The following SPTBN4 variants were observed in gnomAD, a reference collection of about 807,000 sequenced individuals.
SPTBN4 encodes the protein spectrin beta, non-erythrocytic 4.
SPTBN4 carries 96 observed loss-of-function variants against 277.8 expected under a neutral mutation model. The observed-to-expected ratio is 0.35, with a 90% CI of 0.29 to 0.41. SPTBN4 has a LOEUF of 0.41. Ranked by LOEUF, SPTBN4 falls within the 10% of genes least tolerant of loss-of-function variation. The pLI is 1.00. For synonymous variants in SPTBN4, 1,481 were observed against 1,580.3 expected (o/e 0.94, Z 1.49); for missense variants, 3,006 against 3,595.7 (o/e 0.84, Z 4.19).
At chr19:40,494,755 C>T in intron 5 of SPTBN4, 142 bp from the exon 6 acceptor site, 2 of 704,548 alleles carry the variant, frequency 2.8e-6, no homozygotes, top group Non-Finnish European at 4.9e-6. Flanking sequence ...ACCCAACACC[C>T]ACCCATCCAT....
rs1241943845 is a variant in SPTBN4, at chr19:40,568,055, G to A, written c.6729G>A (p.Leu2243=). The change falls in exon 31 of 36, where the codon CTG becomes CTA. Residue 2243 remains leucine (L), a synonymous_variant. Transcript: ENST00000598249. ...RQESADRAEE[L]PRRRRPERQE... is the part of the protein sequence containing the mutation. ...AGTCAGCTGATCGCGCGGAGGAGCT[G>A]CCCAGGAGGCGGCGGCCTGAGCGGC... is the stretch of plus-strand genomic sequence containing the variant. 9 of 1,557,206 alleles carry A rather than the reference G, an allele frequency of 5.8e-6. No homozygotes were observed. In the African/African-American group the frequency reaches 6.8e-5, roughly 12 times the overall value.
At chr19:40,569,298 G>A (rs944061738) in intron 31 of SPTBN4, among the ~76,000 whole-genome samples, 2 of 151,906 alleles carry the variant, frequency 1.3e-5, no homozygotes, top group Non-Finnish European at 2.9e-5. Context: ...GGTGGCGCAC[G>A]CCTGTAGTAC....
chr19:40,485,689 G>A (rs1052494303), intron 2 of SPTBN4, among the ~76,000 whole-genome samples: 1 of 151,696 alleles, frequency 6.6e-6, no homozygotes, highest in Non-Finnish European at 1.5e-5. Context: ...GCATGTGCCT[G>A]TAACCCCAGA....
rs1470009639 is a variant in SPTBN4, at chr19:40,478,482, G to A, written c.169+5692G>A. ...GAATTGAAGGCAGTGATCTATGATGGCACCACTGCATTCCAACCTTCCAGC... is the reference window on the plus strand; with the variant it reads ...GAATTGAAGGCAGTGATCTATGATGACACCACTGCATTCCAACCTTCCAGC... On this transcript the variant is annotated intron_variant, in intron 2 of 35. Transcript: ENST00000598249. Among the ~76,000 whole-genome samples the A allele has an allele frequency of 2.0e-5, 3 of 152,094 alleles. No individual in the cohort carries two copies. In the East Asian group the frequency reaches 5.8e-4, roughly 29 times the overall value.
Position 40,570,704 on chromosome 19 carries a change from A to G in SPTBN4, c.7295A>G (p.Asp2432Gly), listed in dbSNP as rs755613001. 1.2e-5 allele frequency: 20 copies of G among 1,608,324 alleles called. No individual in the cohort carries two copies. The highest frequency in any genetic ancestry group is 4.0e-5 in the African/African-American group (3 of 74,652). ...EGFLLRKREL[D>G]ANRKSSNRSW... ...TTCCTACTGCGCAAGCGCGAGCTCG[A>G]CGCTAACCGCAAGTCGTCCAACCGG... Residue 2432 changes from aspartate (D) to glycine (G), a missense_variant, in exon 33 of 36, where the codon GAC becomes GGC. Transcript: ENST00000598249.
chr19:40,547,945 T>G (rs2080876552), intron 20 of SPTBN4, among the ~76,000 whole-genome samples: 1 of 152,242 alleles, frequency 6.6e-6, no homozygotes, highest in South Asian at 2.1e-4. Flanking sequence ...CCTTATGGAT[T>G]TACTTACTCT....
At position 40,518,785 on chromosome 19, in the gene SPTBN4, A is replaced by G. The variant is rs1300107710; in HGVS notation, c.2904-616A>G. Among the ~76,000 whole-genome samples the G allele has an allele frequency of 2.0e-5, 3 of 151,996 alleles. No individual in the cohort carries two copies. In the East Asian group the frequency reaches 5.8e-4, roughly 29 times the overall value. Reference sequence around the variant, plus strand: ...ACTGGGAGTGGTGCGTGCCTGTTAGACCTGTGAGGCTGAGGTGGGAGGACC... The same window carrying G: ...ACTGGGAGTGGTGCGTGCCTGTTAGGCCTGTGAGGCTGAGGTGGGAGGACC... On this transcript the variant is annotated intron_variant, in intron 15 of 35. Coordinates refer to ENST00000598249, the MANE Select transcript of SPTBN4 (RefSeq NM_020971.3).
At chr19:40,566,054 G>A in intron 29 of SPTBN4, 109 bp from the exon 30 acceptor site, 1 of 1,206,678 alleles carries the variant, frequency 8.3e-7, no homozygotes, top group South Asian at 1.6e-5. Flanking sequence ...GGATGGTCAG[G>A]GCTCGGGTAT....
intron 30 of SPTBN4, 137 bp downstream of exon 30, chr19:40,566,496 G>C (rs1258163867): frequency 2.6e-6 from 2 of 763,264 alleles, no homozygotes; most frequent in Non-Finnish European, 3.8e-6. Context: ...CTCTTGCTAG[G>C]CTCCCAGTGG....
At chr19:40,559,757 G>A (rs1181271451) in intron 26 of SPTBN4, among the ~76,000 whole-genome samples, 3 of 152,216 alleles carry the variant, frequency 2.0e-5, no homozygotes, top group Admixed American at 6.5e-5. Flanking sequence ...CAGCCGTCGT[G>A]TAGGAAACTG....
intron 21 of SPTBN4, 110 bp from the exon 22 acceptor site, chr19:40,550,128 G>T: frequency 1.3e-6 from 1 of 797,342 alleles, no homozygotes; most frequent in South Asian, 1.8e-5. Context: ...ATTCAACTGG[G>T]CTCTTAGGCA....
chr19:40,538,003 GCTC>G (rs2080757427), intron 20 of SPTBN4, among the ~76,000 whole-genome samples: 1 of 152,218 alleles, frequency 6.6e-6, no homozygotes. Context: ...GGGAGCTTTT[GCTC>G]CTCCCTAGCC....
At chr19:40,530,628 C>A in intron 18 of SPTBN4, 1 of 958,030 alleles carries the variant, frequency 1.0e-6, no homozygotes, top group South Asian at 4.8e-5. Flanking sequence ...TGGCGCGCAC[C>A]CCGCGGACGC....
In SPTBN4 at chr19:40,531,089, G is replaced by A. The variant is rs182390723; in HGVS notation, c.3949-1536G>A. Among the ~76,000 whole-genome samples, 5 of 151,934 alleles carry A rather than the reference G, an allele frequency of 3.3e-5. No homozygotes were observed. The East Asian group carries it at 9.7e-4, about 29-fold the overall frequency. On this transcript the variant is annotated intron_variant, in intron 18 of 35. Transcript: ENST00000598249. ...GGCCTTGGATTTTCTCTGGGTCTAG[G>A]GGGCTCTGACTTTGTGGGGCTTTTC...
rs2081092353 is a variant in SPTBN4 at position 40,566,358 on chromosome 19, C to T, written c.6335C>T (p.Thr2112Met). 10 of 1,539,366 alleles carry T rather than the reference C, an allele frequency of 6.5e-6. No individual in the cohort carries two copies. The highest frequency in any genetic ancestry group is 1.9e-4 in the Middle Eastern group (1 of 5,370). Reference protein sequence around the residue: ...ERFSSLRRLTTIEKIKAEQSK... With the variant: ...ERFSSLRRLTMIEKIKAEQSK... Reference sequence around the variant, plus strand: ...TTCAGCTCTCTGCGGCGCCTGACCACGGTCAGCTCCCCAGATACTGCCCCA... The same window carrying T: ...TTCAGCTCTCTGCGGCGCCTGACCATGGTCAGCTCCCCAGATACTGCCCCA... The change falls in exon 30 of 36, where the codon ACG (threonine) becomes ATG (methionine). Residue 2112 changes from threonine to methionine, a missense_variant and splice_region_variant. Coordinates refer to ENST00000598249, the MANE Select transcript of SPTBN4 (RefSeq NM_020971.3).
intron 26 of SPTBN4, among the ~76,000 whole-genome samples, chr19:40,557,822 G>A (rs2080999049): frequency 6.6e-6 from 1 of 150,640 alleles, no homozygotes; most frequent in Non-Finnish European, 1.5e-5. Context: ...GGAGGCTGAG[G>A]CAGGAGAATC....
intron 27 of SPTBN4, 131 bp from the exon 28 acceptor site, chr19:40,565,291 GA>G: frequency 8.6e-7 from 1 of 1,168,628 alleles, no homozygotes. Context: ...GAAAAGAAAA[GA>G]AAAGAAAGTA....
At chr19:40,527,780 C>T (rs933963878) in intron 17 of SPTBN4, among the ~76,000 whole-genome samples, 8 of 152,076 alleles carry the variant, frequency 5.3e-5, no homozygotes, top group Admixed American at 3.9e-4. Context: ...TGAGATTGGC[C>T]GAGTGCAGGA....
At chr19:40,552,286 TCTA>T (rs2080926404) in intron 22 of SPTBN4, among the ~76,000 whole-genome samples, 1 of 151,642 alleles carries the variant, frequency 6.6e-6, no homozygotes, top group African/African-American at 2.4e-5. Flanking sequence ...AAACCGCGTC[TCTA>T]CTAAAAACAC....
Sources: gnomAD v4.1 joint callset for allele counts (sites outside exome capture counted in the v4.1 genomes callset) on GRCh38, gnomAD v4.1.1 for gene constraint, MANE v1.5 for transcripts, NCBI Gene and HGNC (gene_info 2026-07-23, HGNC 2026-07-21) for gene names.